The following MYH7B variants were observed in gnomAD, a reference collection of about 807,000 sequenced individuals.
MYH7B encodes myosin-7B.
Under a neutral mutation model 234.5 loss-of-function variants are expected in MYH7B, and 205 were observed. The ratio of observed to expected loss-of-function variants is 0.87; its 90% CI spans 0.78 to 0.98. MYH7B has a LOEUF of 0.98. Ranked by LOEUF, MYH7B falls within the 50% of genes least tolerant of loss-of-function variation. The pLI is 0.00. For missense variants in MYH7B, 2,652 were observed against 2,633.4 expected (o/e 1.01, Z -0.15); for synonymous variants, 1,193 against 1,105.0 (o/e 1.08, Z -1.58).
chr20:34,982,341 G>A, intron 9 of MYH7B, 118 bp from the exon 10 acceptor site: 1 of 820,590 alleles, frequency 1.2e-6, no homozygotes, highest in Non-Finnish European at 2.0e-6. Context: ...ATCCATCCTT[G>A]GGGGTTTCAA....
chr20:34,985,215 G>A (rs1470578483), intron 13 of MYH7B, 86 bp downstream of exon 13: 1 of 1,271,978 alleles, frequency 7.9e-7, no homozygotes, highest in Non-Finnish European at 1.1e-6. Flanking sequence ...CGACTTCTGG[G>A]CTCCTGCCTG....
exon 34 of MYH7B, chr20:34,998,579 G>A (rs2082307501): frequency 6.2e-7 from 1 of 1,613,600 alleles, no homozygotes; most frequent in Non-Finnish European, 8.5e-7. Context: ...AAAGGCCCTG[G>A]CCGCCCAAAG....
Position 34,979,384 on chromosome 20 carries a change from A to G in MYH7B, c.92-6A>G, listed in dbSNP as rs2081904963. On this transcript the variant is annotated splice_polypyrimidine_tract_variant and splice_region_variant and intron_variant, in intron 5 of 44. Coordinates refer to ENST00000262873, the Ensembl canonical transcript of MYH7B. ...CTCTGAGTCCAGAGCTCTCTCTGCA[A>G]CCCAGGGAAGAAGCGAGTCTGGGTG... 1 of 1,610,278 alleles carries G rather than the reference A, an allele frequency of 6.2e-7. No homozygotes were observed. Among genetic ancestry groups the G allele is most frequent in the South Asian group, 1.1e-5 (1 of 90,604 alleles).
chr20:34,991,213 T>C (rs1316941985), intron 24 of MYH7B, 92 bp downstream of exon 24: 21 of 890,080 alleles, frequency 2.4e-5, no homozygotes, highest in Non-Finnish European at 3.1e-5. Flanking sequence ...GACGGTCCCC[T>C]GTCTGGAGGG....
chr20:34,997,258 CGGAGGAGCTGGA>C, exon 32 of MYH7B: 1 of 1,558,294 alleles, frequency 6.4e-7, no homozygotes, highest in African/African-American at 1.4e-5. Context: ...CAGGCTCGGG[CGGAGGAGCTGGA>C]AGAGGAGCTG....
At chr20:34,993,174 G>A (rs770870372) in exon 25 of MYH7B, 1 of 1,614,038 alleles carries the variant, frequency 6.2e-7, no homozygotes, top group African/African-American at 1.3e-5. Context: ...CAGAGAAACT[G>A]CTGGGCTCGC....
intron 2 of MYH7B, among the ~76,000 whole-genome samples, chr20:34,965,628 C>G (rs2081735204): frequency 6.6e-6 from 1 of 152,178 alleles, no homozygotes; most frequent in African/African-American, 2.4e-5. Context: ...GTGTAATACA[C>G]TCAGAAATGG....
At position 35,001,945 on chromosome 20, in the gene MYH7B, C is replaced by T; in HGVS notation, c.5677-3C>T. 6.2e-7 allele frequency: 1 copy of T among 1,611,818 alleles called. No homozygotes were observed. On this transcript the variant is annotated splice_region_variant and splice_polypyrimidine_tract_variant and intron_variant, in intron 43 of 44. Coordinates refer to ENST00000262873, the Ensembl canonical transcript of MYH7B. ...GGAACCAAGGCCCTGTGTGTGCCCC[C>T]AGGAGCAGCAGGCCAACACCAACCT...
intron 2 of MYH7B, among the ~76,000 whole-genome samples, chr20:34,969,540 CT>C (rs770172832): frequency 0.059 from 7,505 of 126,760 alleles, 107 homozygotes; most frequent in South Asian, 0.08. Context: ...TCTTCTGCTC[CT>C]TTTTTTTTTT....
At chr20:34,977,762 G>A (rs111481656) in intron 4 of MYH7B, 82 bp downstream of exon 4, 53 of 1,493,270 alleles carry the variant, frequency 3.5e-5, no homozygotes, top group South Asian at 1.8e-4. Context: ...GGGTGGCCGC[G>A]AGTCTTCTGA....
At chr20:34,979,595 G>A in intron 6 of MYH7B, 66 bp from the exon 7 acceptor site, 1 of 1,608,140 alleles carries the variant, frequency 6.2e-7, no homozygotes, top group Middle Eastern at 1.7e-4. Flanking sequence ...TATGTGGGTG[G>A]GGGTGACAGG....
intron 2 of MYH7B, among the ~76,000 whole-genome samples, chr20:34,969,540 C>CTTTTTTT (rs770172832): frequency 1.6e-5 from 2 of 126,780 alleles, no homozygotes; most frequent in Admixed American, 8.6e-5. Flanking sequence ...TCTTCTGCTC[C>CTTTTTTT]TTTTTTTTTT....
intron 13 of MYH7B, among the ~76,000 whole-genome samples, chr20:34,985,880 CACTG>C (rs1037650410): frequency 2.6e-5 from 4 of 152,194 alleles, no homozygotes; most frequent in African/African-American, 4.8e-5. Flanking sequence ...CAAGGACACA[CACTG>C]ACCCATCTGG....
In MYH7B at chr20:34,999,755, C is replaced by T. The variant is rs529230306; in HGVS notation, c.4666-36C>T. On this transcript the variant is annotated intron_variant, in intron 37 of 44. Coordinates refer to ENST00000262873, the Ensembl canonical transcript of MYH7B. ...ACCTGCTGCTCCACTGGCCATCCCC[C>T]CCCCCCACCCTACCCTGCCTGCTCT... The T allele has an allele frequency of 1.7e-5, 22 of 1,296,342 alleles. 1 individual carries two copies. The highest frequency in any genetic ancestry group is 1.9e-4 in the Middle Eastern group (1 of 5,178). 80.3% of individuals were successfully genotyped at this position (1,296,342 alleles called of 1,614,324 possible). A position where few individuals can be genotyped will look rare whatever the true frequency, so the allele number is the denominator to read the frequency against.
At chr20:34,994,299 G>T (rs780851281) in exon 27 of MYH7B, 2 of 1,611,188 alleles carry the variant, frequency 1.2e-6, no homozygotes, top group East Asian at 4.5e-5. Flanking sequence ...TGCGGGGGTT[G>T]CGAGGGGCGC....
At chr20:34,992,809 A>G (rs1307103177) in intron 24 of MYH7B, among the ~76,000 whole-genome samples, 2 of 152,150 alleles carry the variant, frequency 1.3e-5, no homozygotes, top group Admixed American at 6.5e-5. Flanking sequence ...GGCTCAAGCA[A>G]TCCACCCGCC....
chr20:34,999,723 G>A, intron 37 of MYH7B, 28 bp downstream of exon 37: 1 of 1,611,182 alleles, frequency 6.2e-7, no homozygotes, highest in Non-Finnish European at 8.5e-7. Context: ...GGGGTGGGTG[G>A]ACACTGACCT....
rs1369279285 is a variant in MYH7B, at chr20:34,988,808, T to C, written c.1587+546T>C. Among the ~76,000 whole-genome samples, 7 of 7,392 alleles carry C rather than the reference T, an allele frequency of 9.5e-4. No individual in the cohort carries two copies. The African/African-American group carries it at 0.024, about 25-fold the overall frequency. 4.8% of individuals were successfully genotyped at this position (7,392 alleles called of 152,430 possible). A position where few individuals can be genotyped will look rare whatever the true frequency, so the allele number is the denominator to read the frequency against. On this transcript the variant is annotated intron_variant, in intron 19 of 44. Transcript: ENST00000262873. The stretch of plus-strand genomic sequence containing the variant: ...CATTTCCTCGAAATCCTTTATCCCT[T>C]TTTTTTTTTTTTTTTTTTTGAGATG...
rs368202204 is a variant in MYH7B at position 34,979,460 on chromosome 20, C to T, written c.162C>T (p.Thr54=). The change falls in exon 6 of 45, where the codon ACC becomes ACT. Residue 54 remains threonine, a synonymous_variant. Coordinates refer to ENST00000262873, the Ensembl canonical transcript of MYH7B. ...AGGCCGAGGTCAAGTCGGAGGCTAC[C>T]GGGGGCAGAGTCACCGTGGAGACCA... 145 of 1,613,686 alleles carry T rather than the reference C, an allele frequency of 9.0e-5. No individual in the cohort carries two copies. The highest frequency in any genetic ancestry group is 2.5e-4 in the East Asian group (11 of 44,892).
Sources: allele counts gnomAD v4.1 joint callset (sites outside exome capture counted in the v4.1 genomes callset), GRCh38; gene constraint gnomAD v4.1.1; transcripts MANE v1.5; gene names NCBI Gene and HGNC (gene_info 2026-07-23, HGNC 2026-07-21).